Variants in PCDHGB2 observed in about 807,000 individuals in gnomAD.
PCDHGB2 encodes protocadherin gamma-B2.
In PCDHGB2, 55 loss-of-function variants were observed where a neutral mutation model predicts 59.3. The ratio of observed to expected loss-of-function variants is 0.93; its 90% CI spans 0.75 to 1.16. The LOEUF is 1.16. Among genes scored for constraint, PCDHGB2 ranks in the 50% most tolerant of loss-of-function variants. The pLI, the probability that PCDHGB2 is intolerant of heterozygous loss-of-function variation, is 0.00. For missense variants in PCDHGB2, 1,228 were observed against 1,198.5 expected, an observed-to-expected ratio of 1.02 and a Z score of -0.36; for synonymous variants, 516 against 512.0, an observed-to-expected ratio of 1.01 and a Z score of -0.11.
chr5:141,467,923 T>C lies in PCDHGB2; in HGVS notation c.2422-26884T>C, dbSNP rs190816380. Among the ~76,000 whole-genome samples the C allele has an allele frequency of 3.9e-3, 588 of 151,590 alleles. 5 individuals carry two copies. Among genetic ancestry groups the C allele is most frequent in the Admixed American group, 0.011 (168 of 15,214 alleles). ...ATCCGCCCACCTCAGCCTCCCAAAA[T>C]GCTAGGATTACAAGCATGAGCCACC... On this transcript the variant is annotated intron_variant, in intron 1 of 3. Coordinates refer to ENST00000522605, the MANE Select transcript of PCDHGB2 (RefSeq NM_018923.3).
chr5:141,428,305 G>T (rs751498223), intron 1 of PCDHGB2: 8 of 694,348 alleles, frequency 1.2e-5, no homozygotes. Flanking sequence ...GATTTACCTG[G>T]TCGTGGCCTT....
chr5:141,413,198 C>G, intron 1 of PCDHGB2: 1 of 1,611,416 alleles, frequency 6.2e-7, no homozygotes, highest in Non-Finnish European at 8.5e-7. Context: ...AGGAATCGCT[C>G]AAAGGAATCA....
chr5:141,404,725 G>T, intron 1 of PCDHGB2: 1 of 1,614,098 alleles, frequency 6.2e-7, no homozygotes. Flanking sequence ...TGACCAAGGT[G>T]GTGGCAGTGG....
chr5:141,370,380 G>C (rs1407234552), intron 1 of PCDHGB2: 1 of 1,532,358 alleles, frequency 6.5e-7, no homozygotes, highest in Non-Finnish European at 8.8e-7. Context: ...GAAAGGCAAA[G>C]GCGCAGAGAG....
chr5:141,432,378 C>A lies in PCDHGB2; in HGVS notation c.2422-62429C>A. On this transcript the variant is annotated intron_variant, in intron 1 of 3. Coordinates refer to ENST00000522605, the MANE Select transcript of PCDHGB2 (RefSeq NM_018923.3). This position sits in a 1 kb window ranked among gnomAD's most constrained non-coding sequence, Gnocchi z 6.0. ...GTGATGGCGCGGGACAACGGGCACC[C>A]GCCCCTCAGCAGCAACGTGTCGTTG... 6.2e-7 allele frequency: 1 copy of A among 1,614,234 alleles called. No individual in the cohort carries two copies. Among genetic ancestry groups the A allele is most frequent in the South Asian group, 1.1e-5 (1 of 91,082 alleles).
At chr5:141,453,058 G>C (rs2098754889) in intron 1 of PCDHGB2, among the ~76,000 whole-genome samples, 2 of 152,076 alleles carry the variant, frequency 1.3e-5, no homozygotes, top group Admixed American at 1.3e-4. Flanking sequence ...TGCAGTTTTA[G>C]AGTTTTGCCA....
rs532631149 is a variant in PCDHGB2, at chr5:141,506,489, C to A, written c.2569+1008C>A. On this transcript the variant is annotated intron_variant, in intron 3 of 3. Transcript: ENST00000522605. ...AAGAGCACAGGCTTTAGAGGCAGGC[C>A]AATCTGGATTCAAATCCTGGCACCT... 1.9e-4 allele frequency among the ~76,000 whole-genome samples: 29 copies of A among 150,750 alleles called. 1 individual carries two copies. In the South Asian group the frequency reaches 5.9e-3, roughly 31 times the overall value.
intron 1 of PCDHGB2, chr5:141,418,417 T>G: frequency 6.2e-7 from 1 of 1,614,002 alleles, no homozygotes; most frequent in Non-Finnish European, 8.5e-7. Flanking sequence ...AAGACAATCC[T>G]GATGGTGGCA....
chr5:141,433,595 G>C (rs2097629585), intron 1 of PCDHGB2, among the ~76,000 whole-genome samples: 1 of 152,070 alleles, frequency 6.6e-6, no homozygotes, highest in South Asian at 2.1e-4. Context: ...CAGTACTTTG[G>C]GAGGCCGAGG....
Position 141,361,433 on chromosome 5 carries a change from C to T in PCDHGB2, c.1298C>T (p.Ser433Phe), listed in dbSNP as rs370691572. ...TATDGGKPPL[S>F]SSIIVTLHIS... ...ACCGACGGGGGCAAGCCGCCCCTCT[C>T]CTCCAGCATAATTGTCACCCTGCAC... The change falls in exon 1 of 4, where the codon TCC (serine) becomes TTC (phenylalanine). Residue 433 changes from serine to phenylalanine, a missense_variant. Transcript: ENST00000522605. The T allele has an allele frequency of 8.7e-6, 14 of 1,613,952 alleles. 1 individual carries two copies. Among genetic ancestry groups the T allele is most frequent in the African/African-American group, 1.3e-5 (1 of 74,958 alleles).
intron 1 of PCDHGB2, chr5:141,428,889 C>G (rs1486441305): frequency 1.3e-5 from 2 of 150,826 alleles, no homozygotes; most frequent in African/African-American, 4.9e-5. Flanking sequence ...GAGTCTCGCT[C>G]TGTGGTCCAG....
intron 1 of PCDHGB2, among the ~76,000 whole-genome samples, chr5:141,449,714 A>G (rs1188830159): frequency 2.6e-5 from 4 of 151,334 alleles, no homozygotes; most frequent in African/African-American, 7.3e-5. Flanking sequence ...CATTATTTTT[A>G]TATGATATGA....
chr5:141,376,212 T>C lies in PCDHGB2; in HGVS notation c.2421+13656T>C, dbSNP rs200049429. ...TGCGTCTTCCTGGCCTTCGTCATCGTGCTGCTGGCGCTCAGACTGCAGCGC... is the reference window on the plus strand; with the variant it reads ...TGCGTCTTCCTGGCCTTCGTCATCGCGCTGCTGGCGCTCAGACTGCAGCGC... On this transcript the variant is annotated intron_variant, in intron 1 of 3. Transcript: ENST00000522605. The C allele has an allele frequency of 1.9e-5, 31 of 1,614,098 alleles. No homozygotes were observed. Among genetic ancestry groups the C allele is most frequent in the Non-Finnish European group, 1.7e-6 (2 of 1,180,044 alleles).
At chr5:141,383,382 T>C in intron 1 of PCDHGB2, 1 of 1,614,050 alleles carries the variant, frequency 6.2e-7, no homozygotes, top group East Asian at 2.2e-5. Context: ...GGGATCCAGA[T>C]GTGGGCACGA....
At chr5:141,474,756 T>C (rs2099354156) in intron 1 of PCDHGB2, among the ~76,000 whole-genome samples, 1 of 152,244 alleles carries the variant, frequency 6.6e-6, no homozygotes, top group Non-Finnish European at 1.5e-5. Flanking sequence ...AAGACAAATA[T>C]ACAGAAATAG....
At chr5:141,406,729 C>A (rs1051103218) in intron 1 of PCDHGB2, among the ~76,000 whole-genome samples, 1 of 152,200 alleles carries the variant, frequency 6.6e-6, no homozygotes, top group Non-Finnish European at 1.5e-5. Context: ...GTTTCTAAGA[C>A]TGGACACTGT....
intron 1 of PCDHGB2, among the ~76,000 whole-genome samples, chr5:141,460,672 TATATCTATATA>T (rs2098995194): frequency 6.6e-6 from 1 of 152,086 alleles, no homozygotes; most frequent in Admixed American, 6.6e-5. Flanking sequence ...AACACAGTTA[TATATCTATATA>T]TCCACCAACA....
Position 141,362,068 on chromosome 5 carries a change from G to T in PCDHGB2, c.1933G>T (p.Ala645Ser), listed in dbSNP as rs62621761. ...CGCGGCCCGCCAGCGCCTGCTGGTC[G>T]CTGTGCGTGATGGAGGACAGCCGCC... ...RDAARQRLLVAVRDGGQPPLS... is the reference protein window; with the variant it reads ...RDAARQRLLVSVRDGGQPPLS... The change falls in exon 1 of 4, where the codon GCT becomes TCT. Residue 645 changes from alanine to serine, a missense_variant. By Grantham distance (99) the Ala-to-Ser change is moderately conservative (BLOSUM62 1). Around this residue, in one of 3 missense-constraint regions of PCDHGB2, gnomAD observed 433 missense variants for 441.8 expected, o/e 0.98. Transcript: ENST00000522605. 3 of 1,612,342 alleles carry T rather than the reference G, an allele frequency of 1.9e-6. No homozygotes were observed. Among genetic ancestry groups the T allele is most frequent in the African/African-American group, 1.3e-5 (1 of 74,896 alleles).
At chr5:141,434,323 T>G (rs578049856) in intron 1 of PCDHGB2, among the ~76,000 whole-genome samples, 1 of 152,358 alleles carries the variant, frequency 6.6e-6, no homozygotes, top group South Asian at 2.1e-4. Flanking sequence ...CTCTTGCTGC[T>G]TGTCTCTTTG....
Sources: allele counts gnomAD v4.1 joint callset (sites outside exome capture counted in the v4.1 genomes callset), GRCh38; gene constraint gnomAD v4.1.1; regional missense constraint gnomAD v4.1.1; non-coding constraint Gnocchi (gnomAD v3.1); transcripts MANE v1.5; gene names NCBI Gene and HGNC (gene_info 2026-07-23, HGNC 2026-07-21).